Variants in COL21A1 observed in about 807,000 individuals in gnomAD.
COL21A1 encodes the protein collagen alpha-1(XXI) chain.
In COL21A1, 149 loss-of-function variants were observed where a neutral mutation model predicts 137.9. The observed-to-expected ratio is 1.08, with a 90% CI of 0.95 to 1.24. The LOEUF is 1.24. COL21A1 is among the 50% of genes most tolerant of loss of function. The pLI is 0.00. For synonymous variants in COL21A1, 456 were observed against 391.5 expected (o/e 1.16, Z -1.95); for missense variants, 1,167 against 1,158.4 (o/e 1.01, Z -0.11).
intron 17 of COL21A1, among the ~76,000 whole-genome samples, chr6:56,088,176 C>T (rs891376168): frequency 2.0e-5 from 3 of 152,100 alleles, no homozygotes; most frequent in Admixed American, 6.5e-5. Flanking sequence ...CCAGCCTGGC[C>T]AACATGGTGA....
At chr6:56,314,933 T>C (rs1411937656) in intron 1 of COL21A1, among the ~76,000 whole-genome samples, 1 of 152,164 alleles carries the variant, frequency 6.6e-6, no homozygotes, top group Admixed American at 6.5e-5. Flanking sequence ...TTTGAGCACC[T>C]GTAGACAAGA....
chr6:56,077,967 A>G (rs966668391), intron 17 of COL21A1: 8 of 419,022 alleles, frequency 1.9e-5, no homozygotes, highest in Admixed American at 1.7e-4. Flanking sequence ...ACAAGCCCTC[A>G]GTGTCACCAC....
At chr6:56,188,373 C>G (rs1430761668) in intron 1 of COL21A1, among the ~76,000 whole-genome samples, 1 of 152,224 alleles carries the variant, frequency 6.6e-6, no homozygotes, top group East Asian at 1.9e-4. Context: ...TAAAAATAAC[C>G]CAAATGCTAT....
At chr6:56,158,964 C>T (rs1450927346) in intron 9 of COL21A1, among the ~76,000 whole-genome samples, 1 of 152,248 alleles carries the variant, frequency 6.6e-6, no homozygotes, top group Non-Finnish European at 1.5e-5. Flanking sequence ...GGTGGCTGGG[C>T]ATTAGGAAAC....
chr6:56,353,731 A>T (rs897054041), intron 1 of COL21A1, among the ~76,000 whole-genome samples: 3 of 152,234 alleles, frequency 2.0e-5, no homozygotes, highest in African/African-American at 7.2e-5. Flanking sequence ...TTACCTAAGA[A>T]TGCCAATAGA....
intron 12 of COL21A1, among the ~76,000 whole-genome samples, chr6:56,129,631 ACGTG>A (rs1210044314): frequency 6.8e-6 from 1 of 147,518 alleles, no homozygotes; most frequent in Admixed American, 6.9e-5. Context: ...TTCCTCTGTC[ACGTG>A]CGTGCGTGTG....
chr6:56,110,500 A>G (rs1412212487), intron 16 of COL21A1, among the ~76,000 whole-genome samples: 3 of 151,902 alleles, frequency 2.0e-5, no homozygotes, highest in Non-Finnish European at 4.4e-5. Flanking sequence ...GAATAAAACT[A>G]TTAAAATAAA....
At chr6:56,238,430 TAAAA>T (rs548005509) in intron 1 of COL21A1, among the ~76,000 whole-genome samples, 7 of 91,518 alleles carry the variant, frequency 7.6e-5, no homozygotes, top group South Asian at 3.7e-4. Flanking sequence ...GCAGTCTTCT[TAAAA>T]AAAAAAAAAA....
intron 17 of COL21A1, among the ~76,000 whole-genome samples, chr6:56,083,696 T>C (rs1352510175): frequency 6.6e-6 from 1 of 151,958 alleles, no homozygotes; most frequent in African/African-American, 2.4e-5. Flanking sequence ...ATCATCTAAA[T>C]TCAAATTATG....
chr6:56,164,595 T>A, intron 8 of COL21A1, 89 bp from the exon 9 acceptor site: 1 of 1,043,982 alleles, frequency 9.6e-7, no homozygotes, highest in African/African-American at 1.6e-5. Flanking sequence ...TATATTTGTG[T>A]AAAATGGCAA....
At chr6:56,290,557 T>C (rs1244772418) in intron 1 of COL21A1, among the ~76,000 whole-genome samples, 1 of 146,904 alleles carries the variant, frequency 6.8e-6, no homozygotes, top group Non-Finnish European at 1.5e-5. Context: ...TAGAGTGCAG[T>C]GGCATGATCT....
At position 56,269,654 on chromosome 6, in the gene COL21A1, C is replaced by CAA. The variant is rs70986792; in HGVS notation, c.-38-87000_-38-86999dup. Among the ~76,000 whole-genome samples the CAA allele has an allele frequency of 1.7e-3, 107 of 64,040 alleles. 7 individuals carry two copies. The highest frequency in any genetic ancestry group is 6.8e-3 in the African/African-American group (78 of 11,498). 42.0% of individuals were successfully genotyped at this position (64,040 alleles called of 152,430 possible). ...TGGGCGACAGAGCGAGACTCCGTCT[C>CAA]AAAAAAAAAAAAAAAAAAAAAAAAA... On this transcript the variant is annotated intron_variant, in intron 1 of 28. Coordinates refer to the COL21A1 transcript ENST00000370819.
intron 7 of COL21A1, 101 bp from the exon 8 acceptor site, chr6:56,164,923 T>C: frequency 1.0e-6 from 1 of 982,624 alleles, no homozygotes; most frequent in Non-Finnish European, 1.5e-6. Context: ...TAGAGATATA[T>C]GAAGTATGAA....
intron 1 of COL21A1, among the ~76,000 whole-genome samples, chr6:56,213,032 C>T (rs2840999): frequency 0.099 from 15,059 of 151,968 alleles, 913 homozygotes; most frequent in African/African-American, 0.17. Context: ...GGTGTGACTG[C>T]TATCTTAGAC....
At chr6:56,262,402 A>G (rs1211907691) in intron 1 of COL21A1, among the ~76,000 whole-genome samples, 1 of 152,150 alleles carries the variant, frequency 6.6e-6, no homozygotes, top group Non-Finnish European at 1.5e-5. Context: ...AACCCTCACA[A>G]TAAGCCAATG....
chr6:56,227,123 G>A (rs192129167), intron 1 of COL21A1, among the ~76,000 whole-genome samples: 6 of 152,042 alleles, frequency 3.9e-5, no homozygotes, highest in South Asian at 2.1e-4. Flanking sequence ...TTGACTCAGC[G>A]TCACTGGGAT....
At chr6:56,292,405 C>T (rs573700562) in intron 1 of COL21A1, among the ~76,000 whole-genome samples, 159 of 144,600 alleles carry the variant, frequency 1.1e-3, no homozygotes, top group Non-Finnish European at 1.8e-3. Flanking sequence ...CCCCCCTCCC[C>T]CGCCAAAGAG....
chr6:56,228,399 G>A (rs561260487), intron 1 of COL21A1, among the ~76,000 whole-genome samples: 1 of 151,778 alleles, frequency 6.6e-6, no homozygotes, highest in Non-Finnish European at 1.5e-5. Context: ...GCAGTGGACA[G>A]GAGAAAGAGA....
At chr6:56,243,907 T>C (rs1243279823) in intron 1 of COL21A1, among the ~76,000 whole-genome samples, 1 of 152,178 alleles carries the variant, frequency 6.6e-6, no homozygotes, top group African/African-American at 2.4e-5. Flanking sequence ...GAAATAAACA[T>C]TTCAACTTTG....
Sources: gnomAD v4.1 joint callset for allele counts (sites outside exome capture counted in the v4.1 genomes callset) on GRCh38, gnomAD v4.1.1 for gene constraint, MANE v1.5 for transcripts, NCBI Gene and HGNC (gene_info 2026-07-23, HGNC 2026-07-21) for gene names.